Variants in RYR1 observed in about 807,000 individuals in gnomAD.
RYR1 encodes the protein ryanodine receptor 1, also known as central core disease of muscle.
RYR1 carries 342 observed loss-of-function variants against 583.5 expected under a neutral mutation model. That is an observed-to-expected ratio of 0.59 (90% CI 0.54 to 0.64). RYR1 has a LOEUF of 0.64. Among genes scored for constraint, RYR1 ranks in the 30% least tolerant of loss-of-function variants. The probability of loss-of-function intolerance (pLI) is 0.00; values close to 1 mark genes in which losing one functional copy is unlikely to be tolerated. For missense variants in RYR1, 6,032 were observed against 6,917.2 expected, an observed-to-expected ratio of 0.87 and a Z score of 4.54; for synonymous variants, 2,791 against 2,822.5, an observed-to-expected ratio of 0.99 and a Z score of 0.35.
At chr19:38,489,575 C>G (rs915969610) in intron 35 of RYR1, 132 bp downstream of exon 35, 3 of 934,990 alleles carry the variant, frequency 3.2e-6, no homozygotes, top group Admixed American at 3.6e-5. Flanking sequence ...GTGAGCAATG[C>G]CAACTTGGAA....
intron 1 of RYR1, among the ~76,000 whole-genome samples, chr19:38,438,762 G>T (rs1476791236): frequency 6.6e-6 from 1 of 151,590 alleles, no homozygotes; most frequent in Non-Finnish European, 1.5e-5. Flanking sequence ...GGGACTACAG[G>T]CGCCCGCCAC....
Position 38,455,635 on chromosome 19 carries a change from A to G in RYR1, c.1675A>G (p.Ile559Val), listed in dbSNP as rs762344659. Residue 559 changes from isoleucine to valine, a missense_variant and splice_region_variant, in exon 16 of 106, where the codon ATC (isoleucine) becomes GTC (valine). Transcript: ENST00000359596. ...TCTCATTCTGGGCACCCTGGCAGGC[A>G]TCCTGGAGGTCCTGTACTGTGTCCT... ...KLDRLEASSG[I>V]LEVLYCVLIE... 1 of 1,613,092 alleles carries G rather than the reference A, an allele frequency of 6.2e-7. No individual in the cohort carries two copies. The highest frequency in any genetic ancestry group is 8.5e-7 in the Non-Finnish European group (1 of 1,179,106).
chr19:38,453,527 C>T (rs1274544610), intron 13 of RYR1, among the ~76,000 whole-genome samples: 1 of 151,406 alleles, frequency 6.6e-6, no homozygotes, highest in Non-Finnish European at 1.5e-5. Flanking sequence ...CAGCTGTGAA[C>T]AAAACAGAAA....
Position 38,504,881 on chromosome 19 carries a change from A to G in RYR1, c.8201A>G (p.Asn2734Ser). ...AAGGCCACAGTGGATGCTGAAGGCA[A>G]CTTTGATCCCCGGCCTGTGGAGACC... ...EKKATVDAEG[N>S]FDPRPVETLN... Residue 2734 changes from asparagine to serine, a missense_variant, in exon 51 of 106, where the codon AAC (asparagine) becomes AGC (serine). Around this residue, in one of 11 missense-constraint regions of RYR1, gnomAD observed 1,493 missense variants for 1,715.5 expected, o/e 0.87. Transcript: ENST00000359596. 1.2e-6 allele frequency: 2 copies of G among 1,614,178 alleles called. No homozygotes were observed. Among genetic ancestry groups the G allele is most frequent in the Non-Finnish European group, 1.7e-6 (2 of 1,180,020 alleles).
chr19:38,459,194 C>G lies in RYR1; in HGVS notation c.2216C>G (p.Pro739Arg), dbSNP rs760127779. The change falls in exon 19 of 106, where the codon CCT (proline) becomes CGT (arginine). Residue 739 changes from proline to arginine, a missense_variant. Transcript: ENST00000359596. The stretch of plus-strand genomic sequence containing the variant: ...TCCCCAGGGCAGCACCTCCTGGCCC[C>G]TGAAGACGTGATCAGCTGCTGCCTG... ...VTSPGQHLLA[P>R]EDVISCCLDL... The G allele has an allele frequency of 1.9e-6, 3 of 1,614,044 alleles. No individual in the cohort carries two copies. The African/African-American group carries it at 4.0e-5, about 22-fold the overall frequency.
chr19:38,458,092 C>G lies in RYR1; in HGVS notation c.1967C>G (p.Thr656Arg). The part of the protein sequence containing the change: ...NIFVGRAEGT[T>R]QYSKWYFEVM... Reference sequence around the variant, plus strand: ...TTTGTGGGCCGAGCGGAAGGCACCACGCAGTACAGCAAATGGTACTTTGAG... The same window carrying G: ...TTTGTGGGCCGAGCGGAAGGCACCAGGCAGTACAGCAAATGGTACTTTGAG... The change falls in exon 18 of 106, where the codon ACG becomes AGG. Residue 656 changes from threonine (T) to arginine (R), a missense_variant. Thr to Arg is a moderately conservative substitution (Grantham distance 71). Around this residue, in one of 11 missense-constraint regions of RYR1, gnomAD observed 2,627 missense variants for 2,961.3 expected, o/e 0.89. Transcript: ENST00000359596. 1 of 1,613,966 alleles carries G rather than the reference C, an allele frequency of 6.2e-7. No individual in the cohort carries two copies. The highest frequency in any genetic ancestry group is 8.5e-7 in the Non-Finnish European group (1 of 1,180,028).
At position 38,483,033 on chromosome 19, in the gene RYR1, C is replaced by T; in HGVS notation, c.4627C>T (p.Pro1543Ser). ...KESNTFFQVE[P>S]NTKLFPAVFV... is the part of the protein sequence containing the mutation. ...TCCTCTTCTCCTCTGCCAGGTGGAA[C>T]CCAACACTAAGCTATTTCCTGCCGT... The change falls in exon 32 of 106, where the codon CCC becomes TCC. Residue 1543 changes from proline (P) to serine (S), a missense_variant. Pro to Ser is a moderately conservative substitution (Grantham distance 74). Transcript: ENST00000359596. The surrounding 1 kb of genome is among the most constrained non-coding windows in gnomAD (Gnocchi z 6.3). 2 of 1,614,064 alleles carry T rather than the reference C, an allele frequency of 1.2e-6. No homozygotes were observed. Among genetic ancestry groups the T allele is most frequent in the Non-Finnish European group, 1.7e-6 (2 of 1,179,922 alleles).
rs1304526136 is a variant in RYR1, at chr19:38,449,175, C to G, written c.1122+362C>G. Among the ~76,000 whole-genome samples, 4 of 152,200 alleles carry G rather than the reference C, an allele frequency of 2.6e-5. No homozygotes were observed. In the East Asian group the frequency reaches 7.7e-4, roughly 29 times the overall value. ...AAAGATAGAGACAGAGAAACAGAGA[C>G]ACGGCCGGGCGTGGTGGCTCATGCC... On this transcript the variant is annotated intron_variant, in intron 11 of 105. Transcript: ENST00000359596.
intron 64 of RYR1, 29 bp downstream of exon 64, chr19:38,515,136 T>A (rs760417566): frequency 1.0e-6 from 1 of 972,552 alleles, no homozygotes; most frequent in Non-Finnish European, 1.5e-6. Flanking sequence ...CGTTTGGGGC[T>A]GGGTGGGGCT....
chr19:38,478,739 G>C, intron 31 of RYR1, 139 bp downstream of exon 31: 1 of 921,042 alleles, frequency 1.1e-6, no homozygotes, highest in Non-Finnish European at 1.7e-6. Flanking sequence ...GTCGCTGGGA[G>C]ACCACCTTGT....
intron 102 of RYR1, 78 bp downstream of exon 102, chr19:38,585,177 C>T (rs1056727779): frequency 3.1e-5 from 48 of 1,529,618 alleles, no homozygotes; most frequent in African/African-American, 8.2e-5. Context: ...AGGATCCAGT[C>T]GGCCTGCATT....
chr19:38,563,560 C>A (rs1222918591), intron 90 of RYR1, among the ~76,000 whole-genome samples: 1 of 152,346 alleles, frequency 6.6e-6, no homozygotes, highest in Admixed American at 6.5e-5. Flanking sequence ...CCACCGTGGC[C>A]TGCCCACTAT....
At chr19:38,509,736 C>T (rs1481667440) in intron 58 of RYR1, among the ~76,000 whole-genome samples, 5 of 151,318 alleles carry the variant, frequency 3.3e-5, no homozygotes, top group Admixed American at 3.3e-4. Context: ...GGATTACAGG[C>T]GTGAGCCACT....
At chr19:38,462,877 T>C (rs1338608262) in intron 20 of RYR1, among the ~76,000 whole-genome samples, 1 of 145,996 alleles carries the variant, frequency 6.8e-6, no homozygotes, top group African/African-American at 2.5e-5. Context: ...GATAATTCCT[T>C]AATACTCTCT....
intron 26 of RYR1, 38 bp from the exon 27 acceptor site, chr19:38,469,267 C>A (rs1968289103): frequency 6.2e-7 from 1 of 1,611,220 alleles, no homozygotes; most frequent in South Asian, 1.1e-5. Flanking sequence ...GCCCTGCCCA[C>A]CTGCCCTCAC....
At position 38,567,891 on chromosome 19, in the gene RYR1, C is replaced by G. The variant is rs1973519477; in HGVS notation, c.13633C>G (p.Leu4545Val). Reference protein sequence around the residue: ...EEAGGEFWGELEVQRVKFLNY... With the variant: ...EEAGGEFWGEVEVQRVKFLNY... Reference sequence around the variant, plus strand: ...AGCTGGAGGCGAATTCTGGGGAGAACTGGAGGTGCAGAGGGTGAAGTTCCT... The same window carrying G: ...AGCTGGAGGCGAATTCTGGGGAGAAGTGGAGGTGCAGAGGGTGAAGTTCCT... The change falls in exon 93 of 106, where the codon CTG becomes GTG. Residue 4545 changes from leucine (L) to valine (V), a missense_variant. By Grantham distance (32) the Leu-to-Val change is conservative (BLOSUM62 1). Coordinates refer to ENST00000359596, the MANE Select transcript of RYR1 (RefSeq NM_000540.3). The G allele has an allele frequency of 1.2e-6, 2 of 1,613,822 alleles. No individual in the cohort carries two copies. The highest frequency in any genetic ancestry group is 2.7e-5 in the African/African-American group (2 of 75,032).
rs771653274 is a variant in RYR1, at chr19:38,570,711, C to G, written c.13746+18C>G. ...TTTATAAGGTGCTGGTCCTGAAGGG[C>G]TGGGAGGGTCAGGCCCTTTTCCATG... On this transcript the variant is annotated intron_variant, in intron 94 of 105. Transcript: ENST00000359596. 6.9e-6 allele frequency: 11 copies of G among 1,600,616 alleles called. No homozygotes were observed. The East Asian group carries it at 2.5e-4, about 36-fold the overall frequency.
chr19:38,445,382 T>C (rs1223532764), intron 7 of RYR1, among the ~76,000 whole-genome samples: 1 of 151,572 alleles, frequency 6.6e-6, no homozygotes, highest in Non-Finnish European at 1.5e-5. Context: ...AAACTTCAAT[T>C]TCAAATCCCA....
At chr19:38,534,982 T>G (rs998120771) in intron 79 of RYR1, among the ~76,000 whole-genome samples, 159 bp from the exon 80 acceptor site, 13 of 152,144 alleles carry the variant, frequency 8.5e-5, no homozygotes, top group Admixed American at 7.9e-4. Flanking sequence ...TGCCTTGCAA[T>G]TTCTCACTCA....
Sources: gnomAD v4.1 joint callset for allele counts (sites outside exome capture counted in the v4.1 genomes callset) on GRCh38, gnomAD v4.1.1 for gene constraint, gnomAD v4.1.1 regional missense constraint, Gnocchi (gnomAD v3.1) non-coding constraint, MANE v1.5 for transcripts, NCBI Gene and HGNC (gene_info 2026-07-23, HGNC 2026-07-21) for gene names.